The following GPR89B variants were observed in gnomAD, a reference collection of about 807,000 sequenced individuals.
The protein encoded by GPR89B is G protein-coupled receptor 89B.
GPR89B carries 25 observed loss-of-function variants against 52.4 expected under a neutral mutation model. The ratio of observed to expected loss-of-function variants is 0.48; its 90% confidence interval spans 0.35 to 0.67. The LOEUF is 0.67. Ranked by LOEUF, GPR89B falls within the 30% of genes least tolerant of loss-of-function variation. The pLI, the probability that GPR89B is intolerant of heterozygous loss-of-function variation, is 0.01. For missense variants in GPR89B, 146 were observed against 450.2 expected (o/e 0.32, Z 6.11); for synonymous variants, 52 against 151.2 (o/e 0.34, Z 4.81).
intron 5 of GPR89B, among the ~76,000 whole-genome samples, chr1:147,948,167 G>A (rs1414651388): frequency 6.6e-6 from 1 of 151,540 alleles, no homozygotes; most frequent in African/African-American, 2.4e-5. Context: ...CAAACAGTTA[G>A]ATCCACCCTT....
Position 147,977,257 on chromosome 1 carries a change from A to C in GPR89B, c.909+7298A>C, listed in dbSNP as rs1270601828. On this transcript the variant is annotated intron_variant, in intron 10 of 13. Coordinates refer to ENST00000314163, the MANE Select transcript of GPR89B (RefSeq NM_016334.5). ...TCAAAAAAAAAAAAAAAAAAAAAAA[A>C]AAAAACAGAATGTTGAATATTGACT... is the stretch of plus-strand genomic sequence containing the variant. Among the ~76,000 whole-genome samples the C allele has an allele frequency of 3.3e-5, 5 of 150,828 alleles. No homozygotes were observed. The East Asian group carries it at 7.8e-4, about 23-fold the overall frequency.
At chr1:147,936,515 C>A (rs1479862330) in intron 1 of GPR89B, 112 bp from the exon 2 acceptor site, 2 of 716,628 alleles carry the variant, frequency 2.8e-6, no homozygotes, top group African/African-American at 3.5e-5. Flanking sequence ...TATCTTTAAT[C>A]CCTGAAATAA....
chr1:148,016,915 T>G, the GPR89B span, among the ~76,000 whole-genome samples: 4 of 151,794 alleles, frequency 2.6e-5, no homozygotes, highest in Non-Finnish European at 5.9e-5. Context: ...GGTTCCATAT[T>G]CCCTGATCAT....
At position 147,956,581 on chromosome 1, in the gene GPR89B, G is replaced by C. The variant is rs1323502456; in HGVS notation, c.617+2179G>C. Among the ~76,000 whole-genome samples the C allele has an allele frequency of 3.9e-5, 6 of 151,916 alleles. No homozygotes were observed. The East Asian group carries it at 7.8e-4, about 20-fold the overall frequency. On this transcript the variant is annotated intron_variant, in intron 7 of 13. Transcript: ENST00000314163. ...AAATAGCTACAAGAAAAAATACTTA[G>C]GGATAAATTTGACCAAGGGGGAAGA...
chr1:148,016,657 G>A, the GPR89B span, among the ~76,000 whole-genome samples: 1 of 151,892 alleles, frequency 6.6e-6, no homozygotes, highest in Non-Finnish European at 1.5e-5. Context: ...ACACCTTCAG[G>A]AATCAGGAGG....
At chr1:147,955,386 A>ATATCAG (rs1656043326) in intron 7 of GPR89B, among the ~76,000 whole-genome samples, 1 of 152,028 alleles carries the variant, frequency 6.6e-6, no homozygotes, top group Non-Finnish European at 1.5e-5. Flanking sequence ...TATCTCTTTG[A>ATATCAG]CATTTTACTG....
At chr1:148,003,069 T>A in the GPR89B span, among the ~76,000 whole-genome samples, 1 of 152,242 alleles carries the variant, frequency 6.6e-6, no homozygotes, top group African/African-American at 2.4e-5. Context: ...AATGGTAGAC[T>A]CCTTGACTAA....
chr1:148,004,305 C>T, the GPR89B span, among the ~76,000 whole-genome samples: 3 of 151,678 alleles, frequency 2.0e-5, no homozygotes, highest in Non-Finnish European at 2.9e-5. Flanking sequence ...TACAGGCGCC[C>T]GCCACCGCAC....
rs1553250370 is a variant in GPR89B, at chr1:147,949,302, GGGCAGAGGGGCTCCTC to G, written c.416-4042_416-4027del. On this transcript the variant is annotated intron_variant, in intron 5 of 13. Coordinates refer to ENST00000314163, the MANE Select transcript of GPR89B (RefSeq NM_016334.5). ...ACACCTCCCAGACAGGGTGGTGGCTGGGCAGAGGGGCTCCTCACTTCCCAGTAGGGGCGGCCGGGCA... is the reference window on the plus strand; with the variant it reads ...ACACCTCCCAGACAGGGTGGTGGCTGACTTCCCAGTAGGGGCGGCCGGGCA... 3.0e-3 allele frequency among the ~76,000 whole-genome samples: 445 copies of G among 150,408 alleles called. 2 individuals carry two copies. The highest frequency in any genetic ancestry group is 0.01 in the African/African-American group (418 of 40,242).
At chr1:147,945,618 C>A (rs1654901987) in intron 5 of GPR89B, among the ~76,000 whole-genome samples, 1 of 152,174 alleles carries the variant, frequency 6.6e-6, no homozygotes, top group South Asian at 2.1e-4. Flanking sequence ...ATAACACCAG[C>A]CTGCCAAAAG....
At chr1:148,004,434 G>A in the GPR89B span, among the ~76,000 whole-genome samples, 1 of 148,318 alleles carries the variant, frequency 6.7e-6, no homozygotes, top group African/African-American at 2.5e-5. Flanking sequence ...CAAAGTGCTG[G>A]GATTACAGGC....
rs1249989713 is a variant in GPR89B, at chr1:147,983,972, A to G, written c.910-2227A>G. Among the ~76,000 whole-genome samples, 877 of 151,930 alleles carry G rather than the reference A, an allele frequency of 5.8e-3. 6 individuals are homozygous for G. The highest frequency in any genetic ancestry group is 8.7e-3 in the Non-Finnish European group (593 of 67,982). Reference sequence around the variant, plus strand: ...ACTGGATTCAGAAAATGTGGCACATATACACCATGGAATACTATGCAGCCA... The same window carrying G: ...ACTGGATTCAGAAAATGTGGCACATGTACACCATGGAATACTATGCAGCCA... On this transcript the variant is annotated intron_variant, in intron 10 of 13. Transcript: ENST00000314163.
chr1:148,021,615 G>C, the GPR89B span, among the ~76,000 whole-genome samples: 9 of 151,838 alleles, frequency 5.9e-5, no homozygotes, highest in African/African-American at 2.2e-4. Context: ...GCTGCGGAGA[G>C]GGGCCTCGGA....
At chr1:147,973,636 A>G (rs1657631011) in intron 10 of GPR89B, among the ~76,000 whole-genome samples, 1 of 151,126 alleles carries the variant, frequency 6.6e-6, no homozygotes, top group Non-Finnish European at 1.5e-5. Flanking sequence ...CACCCTGATG[A>G]TAGTTTCTTT....
rs1163379273 is a variant in GPR89B at position 147,970,327 on chromosome 1, CT to C, written c.909+369del. ...CCTGGCCAACATGGTGAAACCCCAT[CT>C]CTACTAAAAATACAAAAATTAGCTG... On this transcript the variant is annotated intron_variant, in intron 10 of 13. Transcript: ENST00000314163. Among the ~76,000 whole-genome samples the C allele has an allele frequency of 2.0e-5, 3 of 152,114 alleles. No individual in the cohort carries two copies. The East Asian group carries it at 5.8e-4, about 29-fold the overall frequency.
chr1:147,980,806 G>A (rs1478576041), intron 10 of GPR89B, among the ~76,000 whole-genome samples: 7 of 113,950 alleles, frequency 6.1e-5, no homozygotes, highest in South Asian at 6.0e-4. Context: ...GCGACAGAGC[G>A]AGACTCCGTC....
chr1:147,990,822 A>G (rs1659011283), intron 12 of GPR89B, among the ~76,000 whole-genome samples: 1 of 151,132 alleles, frequency 6.6e-6, no homozygotes, highest in Non-Finnish European at 1.5e-5. Context: ...CTGTTTTGGT[A>G]CCAGTACCAT....
chr1:148,015,389 A>T, the GPR89B span, among the ~76,000 whole-genome samples: 4 of 145,394 alleles, frequency 2.8e-5, no homozygotes, highest in Non-Finnish European at 4.5e-5. Context: ...ATCTCGGCTC[A>T]TTGCAACCTC....
intron 5 of GPR89B, among the ~76,000 whole-genome samples, chr1:147,945,832 C>A (rs1400611772): frequency 6.6e-6 from 1 of 151,222 alleles, no homozygotes; most frequent in East Asian, 2.0e-4. Context: ...TCAAGTGATC[C>A]TCCTACCTCA....
Sources: allele counts gnomAD v4.1 joint callset (sites outside exome capture counted in the v4.1 genomes callset), GRCh38; gene constraint gnomAD v4.1.1; transcripts MANE v1.5; gene names NCBI Gene and HGNC (gene_info 2026-07-23, HGNC 2026-07-21).